RASGRP3: variants seen among roughly 807,000 people sequenced by gnomAD.
The protein encoded by RASGRP3 is RAS guanyl releasing protein 3, also known as ras guanyl-releasing protein 3.
A neutral mutation model predicts 82.7 loss-of-function variants in RASGRP3; 54 were observed. The observed-to-expected ratio is 0.65, with a 90% confidence interval of 0.52 to 0.82. The LOEUF is 0.82. RASGRP3 is among the 40% of genes least tolerant of loss of function. The probability of loss-of-function intolerance (pLI) is 0.00; values close to 1 mark genes in which losing one functional copy is unlikely to be tolerated. For synonymous variants in RASGRP3, 309 were observed against 300.5 expected, an observed-to-expected ratio of 1.03 and a Z score of -0.29; for missense variants, 861 against 828.9, an observed-to-expected ratio of 1.04 and a Z score of -0.48.
chr2:33,465,868 G>T (rs371698897), intron 2 of RASGRP3, among the ~76,000 whole-genome samples: 3 of 151,132 alleles, frequency 2.0e-5, no homozygotes, highest in East Asian at 2.0e-4. Context: ...AATCTATTTT[G>T]CTTTTTCTCT....
At chr2:33,511,001 T>G (rs1397315977) in intron 1 of RASGRP3, among the ~76,000 whole-genome samples, 1 of 152,230 alleles carries the variant, frequency 6.6e-6, no homozygotes, top group Non-Finnish European at 1.5e-5. Flanking sequence ...ACAAGTCATG[T>G]TAATGAACGT....
chr2:33,530,939 C>T (rs931026208), intron 10 of RASGRP3: 5 of 152,166 alleles, frequency 3.3e-5, no homozygotes, highest in Admixed American at 6.5e-5. Flanking sequence ...GTTTCTGTTG[C>T]GTGGGGTATG....
At position 33,563,667 on chromosome 2, in the gene RASGRP3, T is replaced by G. The variant is rs1355392023; in HGVS notation, c.*930T>G. On this transcript the variant is annotated 3_prime_UTR_variant, in exon 18 of 18. Coordinates refer to ENST00000403687, the MANE Select transcript of RASGRP3 (RefSeq NM_001139488.2). ...AAAACAACCATCAATTTTTTTAAAC[T>G]CAATAATTTTGTGAAAAAAAAAACC... 1 of 151,112 alleles carries G rather than the reference T, an allele frequency of 6.6e-6. No individual in the cohort carries two copies. The highest frequency in any genetic ancestry group is 1.9e-4 in the East Asian group (1 of 5,182). 9.4% of individuals were successfully genotyped at this position (151,112 alleles called of 1,614,324 possible).
intron 2 of RASGRP3, among the ~76,000 whole-genome samples, chr2:33,512,910 AATAT>A (rs963302560): frequency 1.3e-5 from 2 of 152,190 alleles, no homozygotes; most frequent in Admixed American, 1.3e-4. Flanking sequence ...AAACAAGTAA[AATAT>A]ATAGTTTGTC....
chr2:33,558,300 C>A lies in RASGRP3; in HGVS notation c.1669C>A (p.His557Asn). The stretch of plus-strand genomic sequence containing the variant: ...CCGGGCGCCCTCCTTGAGCAGTGGT[C>A]ATGGGTCACTGCCTGGAAGCCCCTC... ...FARAPSLSSG[H>N]GSLPGSPSLP... Residue 557 changes from histidine (H) to asparagine (N), a missense_variant, in exon 16 of 18, where the codon CAT becomes AAT. Physicochemically the swap from His to Asn is moderately conservative, Grantham distance 68. Transcript: ENST00000403687. 6.2e-7 allele frequency: 1 copy of A among 1,613,730 alleles called. No individual in the cohort carries two copies. The highest frequency in any genetic ancestry group is 1.3e-5 in the African/African-American group (1 of 75,040).
intron 1 of RASGRP3, among the ~76,000 whole-genome samples, chr2:33,483,486 ATTTTTTTTT>A (rs202150682): frequency 2.4e-5 from 3 of 125,932 alleles, no homozygotes; most frequent in African/African-American, 8.8e-5. Flanking sequence ...TTTAGCCACT[ATTTTTTTTT>A]TTTTTTTTTT....
Position 33,523,105 on chromosome 2 carries a change from T to C in RASGRP3, c.517-774T>C, listed in dbSNP as rs545866139. 3.6e-4 allele frequency among the ~76,000 whole-genome samples: 55 copies of C among 152,316 alleles called. 1 individual carries two copies. Among genetic ancestry groups the C allele is most frequent in the Admixed American group, 3.5e-3 (53 of 15,296 alleles). On this transcript the variant is annotated intron_variant, in intron 7 of 17. Transcript: ENST00000403687. ...CTAACTTGAAATAATTATATTTACG[T>C]TCATTTCCTCGTCTTTATTGTATAC...
At chr2:33,467,255 CAG>C (rs1666751528) in intron 2 of RASGRP3, among the ~76,000 whole-genome samples, 1 of 152,004 alleles carries the variant, frequency 6.6e-6, no homozygotes, top group South Asian at 2.1e-4. Flanking sequence ...TTGTTTGATT[CAG>C]GAGCTTTAGA....
chr2:33,551,380 G>C (rs1472921865), intron 14 of RASGRP3, among the ~76,000 whole-genome samples: 2 of 152,090 alleles, frequency 1.3e-5, no homozygotes, highest in Non-Finnish European at 2.9e-5. Context: ...GAAATACCTA[G>C]ACCTGAAAAT....
chr2:33,522,148 C>A (rs776768897), intron 7 of RASGRP3, 46 bp downstream of exon 7: 2 of 1,556,720 alleles, frequency 1.3e-6, no homozygotes, highest in Admixed American at 1.9e-5. Context: ...AACCACCATG[C>A]CAACTTTCCC....
At chr2:33,447,328 G>A (rs1430565332) in intron 1 of RASGRP3, among the ~76,000 whole-genome samples, 1 of 152,106 alleles carries the variant, frequency 6.6e-6, no homozygotes, top group African/African-American at 2.4e-5. Flanking sequence ...TATTTCTTCT[G>A]CTGGGAACTA....
At chr2:33,495,460 A>T (rs1669221216) in intron 1 of RASGRP3, among the ~76,000 whole-genome samples, 1 of 151,944 alleles carries the variant, frequency 6.6e-6, no homozygotes, top group Admixed American at 6.6e-5. Context: ...ATGTTCCCTC[A>T]CCCGCATTCA....
chr2:33,546,089 C>T (rs904669394), intron 13 of RASGRP3, among the ~76,000 whole-genome samples: 3 of 151,546 alleles, frequency 2.0e-5, no homozygotes, highest in African/African-American at 7.3e-5. Flanking sequence ...GGATTCCAGG[C>T]GTGAGCCACC....
chr2:33,542,660 C>T (rs538019331), intron 12 of RASGRP3, among the ~76,000 whole-genome samples: 1 of 146,332 alleles, frequency 6.8e-6, no homozygotes, highest in South Asian at 2.2e-4. Context: ...TCCTCTTTCC[C>T]CCCCCCACCA....
intron 1 of RASGRP3, among the ~76,000 whole-genome samples, chr2:33,500,368 C>T (rs1317071494): frequency 6.6e-6 from 1 of 152,068 alleles, no homozygotes; most frequent in Non-Finnish European, 1.5e-5. Context: ...TAAACAGGAA[C>T]TGAGAACCAA....
At chr2:33,444,020 G>A (rs992230047) in intron 1 of RASGRP3, among the ~76,000 whole-genome samples, 4 of 152,144 alleles carry the variant, frequency 2.6e-5, no homozygotes, top group Non-Finnish European at 5.9e-5. Context: ...ATAGTTTAAG[G>A]AGTGGGGGAT....
chr2:33,528,540 C>G (rs1672797142), intron 10 of RASGRP3, among the ~76,000 whole-genome samples: 2 of 152,178 alleles, frequency 1.3e-5, no homozygotes, highest in Non-Finnish European at 2.9e-5. Flanking sequence ...TGAAACTCAG[C>G]TGCAATACTG....
intron 1 of RASGRP3, among the ~76,000 whole-genome samples, chr2:33,442,674 G>A (rs1224477952): frequency 2.6e-5 from 4 of 152,182 alleles, no homozygotes; most frequent in African/African-American, 9.7e-5. Context: ...ATCAGCAGCA[G>A]GAAACAAAGA....
chr2:33,496,284 G>A (rs1018479690), intron 1 of RASGRP3, among the ~76,000 whole-genome samples: 3 of 152,244 alleles, frequency 2.0e-5, no homozygotes, highest in African/African-American at 7.2e-5. Flanking sequence ...AAGATTTATA[G>A]TGTGTGGACA....
Sources: gnomAD v4.1 joint callset for allele counts (sites outside exome capture counted in the v4.1 genomes callset) on GRCh38, gnomAD v4.1.1 for gene constraint, MANE v1.5 for transcripts, NCBI Gene and HGNC (gene_info 2026-07-23, HGNC 2026-07-21) for gene names.